Variants in SUMF1 observed in about 807,000 individuals in gnomAD.
The protein encoded by SUMF1 is sulfatase modifying factor 1.
SUMF1 carries 48 observed loss-of-function variants against 47.6 expected under a neutral mutation model. The observed-to-expected ratio is 1.01, with a 90% CI of 0.80 to 1.28. The LOEUF (loss-of-function observed/expected upper bound fraction) is 1.28, where lower values mean the gene tolerates loss of function less well. Among genes scored for constraint, SUMF1 ranks in the 50% most tolerant of loss-of-function variants. The pLI is 0.00. For missense variants in SUMF1, 571 were observed against 485.4 expected (o/e 1.18, Z -1.66); for synonymous variants, 230 against 192.1 (o/e 1.20, Z -1.63).
chr3:4,123,481 AGCAAGACATTT>A (rs1361095916), intron 8 of SUMF1, among the ~76,000 whole-genome samples: 7 of 152,296 alleles, frequency 4.6e-5, no homozygotes, highest in African/African-American at 1.7e-4. Context: ...GTCCATAGGA[AGCAAGACATTT>A]GCCCTAAAAC....
chr3:4,296,690 C>T (rs183511985), intron 8 of SUMF1, among the ~76,000 whole-genome samples: 5 of 152,094 alleles, frequency 3.3e-5, no homozygotes, highest in Non-Finnish European at 7.4e-5. Flanking sequence ...ATTACAGGAG[C>T]TACAATTCAA....
rs1213784165 is a variant in SUMF1, at chr3:4,039,208, A to ATTTTT, written c.1191+29360_1191+29361insAAAAA. On this transcript the variant is annotated intron_variant and NMD_transcript_variant, in intron 9 of 12. Transcript: ENST00000448413. ...CAAGCATGCCTGAAACATCTATGCA[A>ATTTTT]ATTTTTTTTTTTTTTTTTTTTTTTT... is the stretch of plus-strand genomic sequence containing the variant. Among the ~76,000 whole-genome samples the ATTTTT allele has an allele frequency of 2.6e-3, 120 of 46,134 alleles. 5 individuals carry two copies. In the East Asian group the frequency reaches 0.029, roughly 11 times the overall value. The allele number at this position is 46,134 out of a possible 152,430, so 30.3% of individuals were successfully genotyped here.
chr3:4,185,538 G>C (rs759000828), intron 8 of SUMF1, among the ~76,000 whole-genome samples: 1 of 152,174 alleles, frequency 6.6e-6, no homozygotes, highest in African/African-American at 2.4e-5. Context: ...CTAGCAGACA[G>C]AAATGTTTCC....
rs377534663 is a variant in SUMF1 at position 4,163,773 on chromosome 3, G to C, written c.1015-95028C>G. 6.6e-4 allele frequency among the ~76,000 whole-genome samples: 100 copies of C among 152,216 alleles called. 2 individuals are homozygous for C. The South Asian group carries it at 0.02, about 31-fold the overall frequency. On this transcript the variant is annotated intron_variant and NMD_transcript_variant, in intron 8 of 12. Coordinates refer to the SUMF1 transcript ENST00000448413. ...AGTCCACATCATAAAGGGAGATCAAGATGTATTGTTAGGTTTGAACCTGTT... is the reference window on the plus strand; with the variant it reads ...AGTCCACATCATAAAGGGAGATCAACATGTATTGTTAGGTTTGAACCTGTT...
chr3:4,142,385 A>G (rs1694091609), intron 8 of SUMF1, among the ~76,000 whole-genome samples: 1 of 152,164 alleles, frequency 6.6e-6, no homozygotes, highest in Non-Finnish European at 1.5e-5. Context: ...GTATAGTCAC[A>G]TGCCCTCACC....
At chr3:4,414,409 T>C (rs1207986271) in intron 6 of SUMF1, among the ~76,000 whole-genome samples, 5 of 152,220 alleles carry the variant, frequency 3.3e-5, no homozygotes, top group African/African-American at 1.2e-4. Context: ...GTCCATCTCA[T>C]TATCAAAGTT....
chr3:4,199,358 C>T lies in SUMF1; in HGVS notation c.1015-130613G>A, dbSNP rs116325647. Among the ~76,000 whole-genome samples, 877 of 152,232 alleles carry T rather than the reference C, an allele frequency of 5.8e-3. 2 individuals carry two copies. The highest frequency in any genetic ancestry group is 0.017 in the Middle Eastern group (5 of 294). On this transcript the variant is annotated intron_variant and NMD_transcript_variant, in intron 8 of 12. Transcript: ENST00000448413. The stretch of plus-strand genomic sequence containing the variant: ...GAATGGTATTCCATTACTTAGACCA[C>T]ATTTTAGTTATCTATTCCCCAGCTG...
chr3:4,174,577 G>T (rs141993173), intron 8 of SUMF1, among the ~76,000 whole-genome samples: 5 of 152,004 alleles, frequency 3.3e-5, no homozygotes, highest in Admixed American at 3.3e-4. Context: ...TTCCAAGATG[G>T]CCGAATAGGA....
rs376760456 is a variant in SUMF1 at position 4,448,397 on chromosome 3, G to A, written c.519+869C>T. Among the ~76,000 whole-genome samples, 116 of 152,126 alleles carry A rather than the reference G, an allele frequency of 7.6e-4. 1 individual carries two copies. Among genetic ancestry groups the A allele is most frequent in the Non-Finnish European group, 6.6e-4 (45 of 68,022 alleles). ...ACTTGCATTAAAAAGGAAGATGAGG[G>A]CTGGATTCCTTCGTCTTCAATGCCT... On this transcript the variant is annotated intron_variant, in intron 3 of 8. Transcript: ENST00000272902.
intron 3 of SUMF1, among the ~76,000 whole-genome samples, chr3:4,421,729 CCCA>C (rs1260866044): frequency 1.3e-5 from 2 of 152,170 alleles, no homozygotes; most frequent in African/African-American, 2.4e-5. Context: ...GTGATCCCTG[CCCA>C]ACTTGGCCTC....
rs552910824 is a variant in SUMF1 at position 4,117,425 on chromosome 3, A to G, written c.1015-48680T>C. Among the ~76,000 whole-genome samples, 6 of 152,244 alleles carry G rather than the reference A, an allele frequency of 3.9e-5. No individual in the cohort carries two copies. In the South Asian group the frequency reaches 1.0e-3, roughly 26 times the overall value. On this transcript the variant is annotated intron_variant and NMD_transcript_variant, in intron 8 of 12. Transcript: ENST00000448413. Reference sequence around the variant, plus strand: ...TAAACTATGATACATGCTAATTAATACTCAAGAAATCAGGTAAACAGGGAC... The same window carrying G: ...TAAACTATGATACATGCTAATTAATGCTCAAGAAATCAGGTAAACAGGGAC...
chr3:4,135,405 C>A (rs1693901585), intron 8 of SUMF1, among the ~76,000 whole-genome samples: 1 of 152,060 alleles, frequency 6.6e-6, no homozygotes, highest in African/African-American at 2.4e-5. Context: ...CAGAAAAGGC[C>A]TTTGACAAAA....
chr3:4,136,783 C>T (rs1693943316), intron 8 of SUMF1, among the ~76,000 whole-genome samples: 1 of 150,702 alleles, frequency 6.6e-6, no homozygotes, highest in Non-Finnish European at 1.5e-5. Flanking sequence ...AAGAAAAAAA[C>T]AAACAACCCC....
chr3:4,136,155 C>A (rs1693923620), intron 8 of SUMF1, among the ~76,000 whole-genome samples: 1 of 152,074 alleles, frequency 6.6e-6, no homozygotes, highest in South Asian at 2.1e-4. Context: ...CAAAAAAGAG[C>A]CTGCATTGCC....
chr3:4,080,488 T>C (rs1242092763), intron 8 of SUMF1, among the ~76,000 whole-genome samples: 1 of 152,074 alleles, frequency 6.6e-6, no homozygotes, highest in Non-Finnish European at 1.5e-5. Flanking sequence ...TCCAATGCAA[T>C]GTACCTGGGA....
At chr3:4,381,476 AC>A (rs1700503267) in intron 7 of SUMF1, among the ~76,000 whole-genome samples, 1 of 152,194 alleles carries the variant, frequency 6.6e-6, no homozygotes, top group South Asian at 2.1e-4. Context: ...TTCCCCAATA[AC>A]CAACGGAAAT....
In SUMF1 at chr3:4,040,130, G is replaced by A. The variant is rs6777526; in HGVS notation, c.1191+28439C>T. 4.8e-3 allele frequency among the ~76,000 whole-genome samples: 734 copies of A among 152,216 alleles called. 8 individuals carry two copies. The highest frequency in any genetic ancestry group is 0.017 in the African/African-American group (700 of 41,546). On this transcript the variant is annotated intron_variant and NMD_transcript_variant, in intron 9 of 12. Coordinates refer to the SUMF1 transcript ENST00000448413. ...TGTAAGGTGATAGATATGTTGATTA[G>A]CTTAATTTTGGTCACATTTCACAAT...
At chr3:4,302,969 C>A (rs374921036) in intron 8 of SUMF1, among the ~76,000 whole-genome samples, 1 of 152,142 alleles carries the variant, frequency 6.6e-6, no homozygotes, top group Non-Finnish European at 1.5e-5. Flanking sequence ...GTCAACTTCC[C>A]GGCAAGCCGC....
At chr3:4,407,052 T>A (rs981693527) in intron 7 of SUMF1, among the ~76,000 whole-genome samples, 1 of 151,334 alleles carries the variant, frequency 6.6e-6, no homozygotes, top group African/African-American at 2.4e-5. Flanking sequence ...TGAGGCCATC[T>A]AAATGTGGCA....
Sources: gnomAD v4.1 joint callset for allele counts (sites outside exome capture counted in the v4.1 genomes callset) on GRCh38, gnomAD v4.1.1 for gene constraint, MANE v1.5 for transcripts, NCBI Gene and HGNC (gene_info 2026-07-23, HGNC 2026-07-21) for gene names.